Variants in SAP30BP observed in about 807,000 individuals in gnomAD.
SAP30BP encodes the protein SAP30-binding protein.
SAP30BP carries 31 observed loss-of-function variants against 46.3 expected under a neutral mutation model. That is an observed-to-expected ratio of 0.67 (90% confidence interval 0.50 to 0.90). The LOEUF is 0.90. SAP30BP is among the 40% of genes least tolerant of loss of function. The pLI is 0.00. For missense variants in SAP30BP, 312 were observed against 391.0 expected (o/e 0.80, Z 1.70); for synonymous variants, 169 against 144.2 (o/e 1.17, Z -1.23).
chr17:75,703,583 G>A (rs544897983), intron 7 of SAP30BP: 2 of 633,412 alleles, frequency 3.2e-6, no homozygotes, highest in South Asian at 1.9e-5. Flanking sequence ...CCCCTGACTG[G>A]TGGGGACATG....
At chr17:75,698,258 G>C (rs1290544564) in intron 4 of SAP30BP, among the ~76,000 whole-genome samples, 1 of 152,230 alleles carries the variant, frequency 6.6e-6, no homozygotes, top group African/African-American at 2.4e-5. Context: ...ATCAGAATCA[G>C]GCCTTTTGTT....
At chr17:75,672,276 A>C (rs1385709017) in intron 3 of SAP30BP, 1 of 186,394 alleles carries the variant, frequency 5.4e-6, no homozygotes, top group Non-Finnish European at 1.2e-5. Flanking sequence ...AAGAGGCTAT[A>C]AGAAGGTCAG....
chr17:75,673,373 G>A (rs1317371768), intron 3 of SAP30BP, among the ~76,000 whole-genome samples: 1 of 152,196 alleles, frequency 6.6e-6, no homozygotes, highest in African/African-American at 2.4e-5. Context: ...GTCAGTCACA[G>A]CTCTCCTCGG....
intron 4 of SAP30BP, among the ~76,000 whole-genome samples, chr17:75,697,769 C>T (rs982874404): frequency 1.3e-5 from 2 of 152,212 alleles, no homozygotes; most frequent in Non-Finnish European, 2.9e-5. Context: ...CTGGCAGAGT[C>T]TGGGAGCCTT....
Position 75,668,532 on chromosome 17 carries a change from G to T in SAP30BP, c.123G>T (p.Leu41Phe). ...ACCTTTCAGAGGAGAAAGGCGGATT[G>T]GTATCTGATGCCTATGGGGAGGATG... ...VGSAAEEKGG[L>F]VSDAYGEDDF... Residue 41 changes from leucine to phenylalanine, a missense_variant, in exon 2 of 11, where the codon TTG becomes TTT. Leu to Phe is a conservative substitution (Grantham distance 22). Transcript: ENST00000584667. 6.4e-7 allele frequency: 1 copy of T among 1,568,934 alleles called. No homozygotes were observed.
chr17:75,698,195 G>C (rs887309136), intron 4 of SAP30BP, among the ~76,000 whole-genome samples: 1 of 152,210 alleles, frequency 6.6e-6, no homozygotes. Context: ...AAGGCCTGCC[G>C]GACAGTGGCA....
At chr17:75,696,993 G>A (rs992454522) in intron 4 of SAP30BP, among the ~76,000 whole-genome samples, 8 of 152,008 alleles carry the variant, frequency 5.3e-5, no homozygotes, top group African/African-American at 1.9e-4. Flanking sequence ...TAGCCAGGAT[G>A]ATCTCGATCT....
chr17:75,680,825 A>G (rs2060065419), intron 3 of SAP30BP, among the ~76,000 whole-genome samples: 1 of 152,216 alleles, frequency 6.6e-6, no homozygotes, highest in South Asian at 2.1e-4. Context: ...GCTTGAGCAC[A>G]GGAGTTTGAG....
At chr17:75,701,730 C>T (rs1284361320) in intron 5 of SAP30BP, among the ~76,000 whole-genome samples, 3 of 152,224 alleles carry the variant, frequency 2.0e-5, no homozygotes, top group African/African-American at 4.8e-5. Flanking sequence ...TCCTGTGGCT[C>T]ACAGTTCTGC....
chr17:75,703,432 A>G (rs1029699090), intron 7 of SAP30BP, 61 bp downstream of exon 7: 25 of 1,488,934 alleles, frequency 1.7e-5, no homozygotes, highest in Non-Finnish European at 2.2e-5. Flanking sequence ...TGCTTGTTCC[A>G]TGGGATTTGA....
chr17:75,668,781 A>G (rs1409374637), intron 2 of SAP30BP, among the ~76,000 whole-genome samples, 156 bp downstream of exon 2: 2 of 152,228 alleles, frequency 1.3e-5, no homozygotes, highest in Admixed American at 1.3e-4. Context: ...TGGATATCAG[A>G]TCTGTTTGAA....
chr17:75,678,460 T>A (rs1056590246), intron 3 of SAP30BP, among the ~76,000 whole-genome samples: 4 of 76,878 alleles, frequency 5.2e-5, no homozygotes, highest in African/African-American at 1.6e-4. Flanking sequence ...AGACACAATT[T>A]AAAACACACA....
chr17:75,693,515 T>G (rs375570704), intron 4 of SAP30BP, 33 bp downstream of exon 4: 1 of 1,606,924 alleles, frequency 6.2e-7, no homozygotes, highest in Non-Finnish European at 8.5e-7. Flanking sequence ...GGCACGTTTC[T>G]CAGCCTTGCT....
intron 4 of SAP30BP, among the ~76,000 whole-genome samples, chr17:75,697,672 T>C (rs1325360155): frequency 3.3e-5 from 5 of 152,192 alleles, no homozygotes; most frequent in African/African-American, 9.6e-5. Context: ...AATCAACACA[T>C]GAAGTCATGT....
chr17:75,691,266 GTTTA>G (rs2060237639), intron 3 of SAP30BP: 2 of 366,266 alleles, frequency 5.5e-6, no homozygotes, highest in South Asian at 2.1e-5. Context: ...CAACTACCCA[GTTTA>G]TTTATTTCTT....
At chr17:75,690,728 T>G (rs896752090) in intron 3 of SAP30BP, 2 of 456,528 alleles carry the variant, frequency 4.4e-6, no homozygotes, top group Non-Finnish European at 8.8e-6. Flanking sequence ...TGGCCCAGCT[T>G]GTTGGACTCA....
chr17:75,691,310 T>G (rs780869336), intron 3 of SAP30BP: 18 of 403,292 alleles, frequency 4.5e-5, no homozygotes, highest in Non-Finnish European at 8.8e-5. Context: ...TAGGGGGAAC[T>G]GAAGAGCCAA....
Position 75,706,632 on chromosome 17 carries a change from C to A in SAP30BP, c.*111C>A. ...ACTGGGACCTACTCCCCAGATGCCACCTGAGAGGAGCTTCTGTTTGGCATT... is the reference window on the plus strand; with the variant it reads ...ACTGGGACCTACTCCCCAGATGCCAACTGAGAGGAGCTTCTGTTTGGCATT... On this transcript the variant is annotated 3_prime_UTR_variant, in exon 11 of 11. Transcript: ENST00000584667. This position sits in a 1 kb window ranked among gnomAD's most constrained non-coding sequence, Gnocchi z 4.6. The A allele has an allele frequency of 2.0e-6, 2 of 991,228 alleles. No homozygotes were observed. Among genetic ancestry groups the A allele is most frequent in the African/African-American group, 1.6e-5 (1 of 61,518 alleles). The allele number at this position is 991,228 out of a possible 1,614,324, so 61.4% of individuals were successfully genotyped here.
At chr17:75,678,379 T>A (rs554400720) in intron 3 of SAP30BP, among the ~76,000 whole-genome samples, 3 of 152,150 alleles carry the variant, frequency 2.0e-5, no homozygotes, top group Non-Finnish European at 4.4e-5. Flanking sequence ...TGTAAATGGC[T>A]GTGTAACTAG....
Sources: gnomAD v4.1 joint callset for allele counts (sites outside exome capture counted in the v4.1 genomes callset) on GRCh38, gnomAD v4.1.1 for gene constraint, Gnocchi (gnomAD v3.1) non-coding constraint, MANE v1.5 for transcripts, NCBI Gene and HGNC (gene_info 2026-07-23, HGNC 2026-07-21) for gene names.